TMEM178A: variants seen among roughly 807,000 people sequenced by gnomAD.
TMEM178A encodes transmembrane protein 178.
Under a neutral mutation model 29.1 loss-of-function variants are expected in TMEM178A, and 12 were observed. The observed-to-expected ratio is 0.41, with a 90% confidence interval of 0.26 to 0.67. The LOEUF (loss-of-function observed/expected upper bound fraction) is 0.67. Among genes scored for constraint, TMEM178A ranks in the 30% least tolerant of loss-of-function variants. TMEM178A has a pLI of 0.29. For missense variants in TMEM178A, 366 were observed against 419.1 expected (o/e 0.87, Z 1.11); for synonymous variants, 210 against 187.2 (o/e 1.12, Z -0.99).
chr2:39,726,643 C>T, the TMEM178A span, among the ~76,000 whole-genome samples: 3 of 152,132 alleles, frequency 2.0e-5, no homozygotes, highest in African/African-American at 2.4e-5. Context: ...ACCCAGAGGC[C>T]AGTACTGGGC....
chr2:39,666,011 G>T lies in TMEM178A; in HGVS notation c.37G>T (p.Gly13Cys). Residue 13 changes from glycine (G) to cysteine (C), a missense_variant, in exon 1 of 4, where the codon GGC (glycine) becomes TGC (cysteine). Gly to Cys is a radical substitution (Grantham distance 159, BLOSUM62 -3). Coordinates refer to ENST00000281961, the MANE Select transcript of TMEM178A (RefSeq NM_152390.3). ...GGCGCTCGTCACGGCGCTCAGCCTC[G>T]GCCTCAGCCTGTGCTCCCTGGGGCT... ...PRALVTALSL[G>C]LSLCSLGLLV... The T allele has an allele frequency of 6.6e-7, 1 of 1,508,220 alleles. No homozygotes were observed. The highest frequency in any genetic ancestry group is 1.3e-5 in the South Asian group (1 of 76,914). The allele number at this position is 1,508,220 out of a possible 1,614,324, so 93.4% of individuals were successfully genotyped here. A position where few individuals can be genotyped will look rare whatever the true frequency, so the allele number is the denominator to read the frequency against.
intron 3 of TMEM178A, among the ~76,000 whole-genome samples, chr2:39,716,541 A>T (rs1488330185): frequency 6.6e-6 from 1 of 152,262 alleles, no homozygotes; most frequent in African/African-American, 2.4e-5. Context: ...ATAAATATTT[A>T]TGATAATGTT....
the TMEM178A span, among the ~76,000 whole-genome samples, chr2:39,723,973 A>G: frequency 2.6e-5 from 4 of 152,242 alleles, no homozygotes; most frequent in African/African-American, 9.6e-5. Context: ...GCAAGCTTCT[A>G]TATTTCTAAG....
chr2:39,704,943 T>A (rs939729176), intron 2 of TMEM178A, among the ~76,000 whole-genome samples: 2 of 152,242 alleles, frequency 1.3e-5, no homozygotes, highest in Admixed American at 6.5e-5. Context: ...GAGTCTCTCA[T>A]TCTGTAAGTA....
chr2:39,699,761 T>A (rs1671702446), intron 1 of TMEM178A, among the ~76,000 whole-genome samples: 1 of 152,104 alleles, frequency 6.6e-6, no homozygotes, highest in South Asian at 2.1e-4. Context: ...AGGCGAGATC[T>A]TTTTTTAATG....
intron 1 of TMEM178A, among the ~76,000 whole-genome samples, chr2:39,695,136 G>T (rs545612791): frequency 6.6e-6 from 1 of 152,268 alleles, no homozygotes; most frequent in African/African-American, 2.4e-5. Context: ...CCTGTCCTAT[G>T]ACTGCATGAT....
At chr2:39,731,995 T>A in the TMEM178A span, among the ~76,000 whole-genome samples, 1 of 152,056 alleles carries the variant, frequency 6.6e-6, no homozygotes, top group Non-Finnish European at 1.5e-5. Context: ...TATATTGGGG[T>A]CTAGTATAAC....
chr2:39,699,745 T>A (rs888778438), intron 1 of TMEM178A, among the ~76,000 whole-genome samples: 1 of 152,192 alleles, frequency 6.6e-6, no homozygotes, highest in Non-Finnish European at 1.5e-5. Flanking sequence ...CATGAGCTAC[T>A]GTGCCAGGCG....
chr2:39,693,799 A>G (rs1234790107), intron 1 of TMEM178A, among the ~76,000 whole-genome samples: 1 of 152,218 alleles, frequency 6.6e-6, no homozygotes, highest in African/African-American at 2.4e-5. Flanking sequence ...AAAATTTTAA[A>G]ATACGATATT....
intron 3 of TMEM178A, among the ~76,000 whole-genome samples, chr2:39,709,166 G>C (rs78567842): frequency 9.2e-5 from 14 of 152,344 alleles, no homozygotes; most frequent in African/African-American, 3.4e-4. Flanking sequence ...GTCTCTGAGC[G>C]TTGACGGGTA....
intron 1 of TMEM178A, among the ~76,000 whole-genome samples, chr2:39,692,961 A>C (rs1332751774): frequency 6.6e-6 from 1 of 152,142 alleles, no homozygotes; most frequent in Admixed American, 6.5e-5. Flanking sequence ...TTAACCTTAC[A>C]ATTTAAAGTT....
At chr2:39,724,910 G>A in the TMEM178A span, among the ~76,000 whole-genome samples, 1 of 152,202 alleles carries the variant, frequency 6.6e-6, no homozygotes, top group Admixed American at 6.5e-5. Flanking sequence ...CTGTGGTGAC[G>A]ATGGTAAATC....
chr2:39,721,281 A>C (rs986056243), downstream of TMEM178A, among the ~76,000 whole-genome samples: 1 of 152,378 alleles, frequency 6.6e-6, no homozygotes, highest in East Asian at 1.9e-4. Context: ...CTTAATATGC[A>C]ACCTGTGTTT....
intron 1 of TMEM178A, chr2:39,687,190 A>C (rs1171059644): frequency 2.4e-5 from 4 of 164,892 alleles, no homozygotes; most frequent in Non-Finnish European, 1.5e-5. Flanking sequence ...TGCTGTCGTC[A>C]GAACTGGACC....
At chr2:39,715,524 T>G (rs1024226724) in intron 3 of TMEM178A, among the ~76,000 whole-genome samples, 2 of 152,210 alleles carry the variant, frequency 1.3e-5, no homozygotes, top group African/African-American at 4.8e-5. Flanking sequence ...TTGATTTTTC[T>G]CTTTGAGAAC....
At chr2:39,679,841 C>T (rs1235452033) in intron 1 of TMEM178A, among the ~76,000 whole-genome samples, 2 of 152,172 alleles carry the variant, frequency 1.3e-5, no homozygotes, top group African/African-American at 4.8e-5. Context: ...GCAAGAAAGA[C>T]TCTTGGTTGC....
chr2:39,665,763 C>T (rs1670114202), upstream of TMEM178A: 1 of 364,062 alleles, frequency 2.7e-6, no homozygotes, highest in Non-Finnish European at 4.5e-6. Context: ...AGCCCGGGGG[C>T]CGGGCCGGGG....
chr2:39,720,855 G>T (rs916786242), downstream of TMEM178A, among the ~76,000 whole-genome samples: 7 of 152,174 alleles, frequency 4.6e-5, no homozygotes, highest in East Asian at 1.3e-3. Flanking sequence ...AGCTTGGCAA[G>T]CAAGGAAACC....
At chr2:39,688,278 C>T (rs1671164442) in intron 1 of TMEM178A, among the ~76,000 whole-genome samples, 1 of 152,246 alleles carries the variant, frequency 6.6e-6, no homozygotes, top group Admixed American at 6.5e-5. Context: ...TAGAACTACA[C>T]TAAAGCAATT....
Sources: gnomAD v4.1 joint callset for allele counts (sites outside exome capture counted in the v4.1 genomes callset) on GRCh38, gnomAD v4.1.1 for gene constraint, MANE v1.5 for transcripts, NCBI Gene and HGNC (gene_info 2026-07-23, HGNC 2026-07-21) for gene names.